Variants in IL1RAPL2 observed in about 807,000 individuals in gnomAD.
IL1RAPL2 encodes the protein X-linked interleukin-1 receptor accessory protein-like 2.
In IL1RAPL2, 3 loss-of-function variants were observed where a neutral mutation model predicts 44.1. The observed-to-expected ratio is 0.07, with a 90% CI of 0.03 to 0.18. The LOEUF (loss-of-function observed/expected upper bound fraction) is 0.18, where lower values mean the gene tolerates loss of function less well. Among genes scored for constraint, IL1RAPL2 ranks in the 10% least tolerant of loss-of-function variants. IL1RAPL2 has a pLI of 1.00. For synonymous variants in IL1RAPL2, 181 were observed against 178.8 expected (o/e 1.01, Z -0.10); for missense variants, 391 against 496.4 (o/e 0.79, Z 2.02).
At chrX:105,449,049 G>T (rs1331246799) in intron 5 of IL1RAPL2, among the ~76,000 whole-genome samples, 1 of 111,280 alleles carries the variant, frequency 9.0e-6, no homozygotes, top group East Asian at 2.8e-4. Flanking sequence ...ATTGGTCCCT[G>T]GTGTCTTATT....
At chrX:105,541,928 C>T (rs777520941) in intron 6 of IL1RAPL2, among the ~76,000 whole-genome samples, 18 of 111,348 alleles carry the variant, frequency 1.6e-4, no homozygotes, top group Non-Finnish European at 3.0e-4. Flanking sequence ...GGAAATTTAA[C>T]CTGCGTTTGC....
chrX:105,198,467 T>A (rs996800014), intron 3 of IL1RAPL2, among the ~76,000 whole-genome samples: 1 of 112,262 alleles, frequency 8.9e-6, no homozygotes, highest in African/African-American at 3.2e-5. Context: ...TTTACGTAGT[T>A]ATTGCAAAGA....
At chrX:105,558,429 ATGT>A (rs2147805773) in intron 6 of IL1RAPL2, among the ~76,000 whole-genome samples, 1 of 111,576 alleles carries the variant, frequency 9.0e-6, no homozygotes, top group East Asian at 2.8e-4. Context: ...TCATTCCCAA[ATGT>A]TGTTTATGTG....
At chrX:105,278,126 A>C (rs2034500552) in intron 5 of IL1RAPL2, among the ~76,000 whole-genome samples, 1 of 111,899 alleles carries the variant, frequency 8.9e-6, no homozygotes, top group Admixed American at 9.5e-5. Flanking sequence ...CTGTAGAGTC[A>C]GGGGCTGTGA....
At chrX:104,992,018 C>T (rs762945984) in intron 2 of IL1RAPL2, among the ~76,000 whole-genome samples, 1 of 111,349 alleles carries the variant, frequency 9.0e-6, no homozygotes, top group Admixed American at 9.6e-5. Context: ...GCAGGAAAAA[C>T]ATGTACTAAG....
At chrX:104,972,162 C>T (rs541871008) in intron 2 of IL1RAPL2, among the ~76,000 whole-genome samples, 2 of 111,739 alleles carry the variant, frequency 1.8e-5, no homozygotes, top group African/African-American at 3.3e-5. Context: ...CCAGATTAGG[C>T]AGTTGTTTTT....
intron 2 of IL1RAPL2, among the ~76,000 whole-genome samples, chrX:104,791,120 G>T (rs2051097): frequency 0.053 from 5,875 of 110,525 alleles, 416 homozygotes; most frequent in African/African-American, 0.19. Flanking sequence ...ATCAGGCTTT[G>T]GTATAGGAGA....
chrX:105,390,378 G>A (rs2035512134), intron 5 of IL1RAPL2, among the ~76,000 whole-genome samples: 1 of 111,641 alleles, frequency 9.0e-6, no homozygotes, highest in Non-Finnish European at 1.9e-5. Context: ...TAGCTAGTAA[G>A]AAATGTACCT....
chrX:105,607,635 CAAAAAAAAAAAAAAAA>C (rs11377516), intron 6 of IL1RAPL2, among the ~76,000 whole-genome samples: 7 of 15,726 alleles, frequency 4.5e-4, no homozygotes, highest in East Asian at 3.8e-3. Flanking sequence ...ATTCAGCAGA[CAAAAAAAAAAAAAAAA>C]AAAAAAAAAA....
rs1044322329 is a variant in IL1RAPL2, at chrX:105,428,986, G to A, written c.698-55327G>A. On this transcript the variant is annotated intron_variant, in intron 5 of 10. Coordinates refer to ENST00000372582, the MANE Select transcript of IL1RAPL2 (RefSeq NM_017416.2). ...GGAGACACGTTCTGCCCCAAAGACA[G>A]AAACTAAATAATATCCGGAAATATC... is the stretch of plus-strand genomic sequence containing the variant. Among the ~76,000 whole-genome samples, 7 of 111,414 alleles carry A rather than the reference G, an allele frequency of 6.3e-5. No individual in the cohort carries two copies. In the East Asian group the frequency reaches 1.1e-3, roughly 18 times the overall value.
At chrX:104,686,489 T>C (rs772412963) in intron 2 of IL1RAPL2, among the ~76,000 whole-genome samples, 3 of 111,766 alleles carry the variant, frequency 2.7e-5, no homozygotes, top group Non-Finnish European at 3.8e-5. Context: ...GACTAGAAAT[T>C]TGGCTGAATA....
At chrX:105,476,608 T>C (rs2147772850) in intron 5 of IL1RAPL2, among the ~76,000 whole-genome samples, 1 of 111,965 alleles carries the variant, frequency 8.9e-6, no homozygotes, top group South Asian at 3.8e-4. Context: ...CTGATCTGTT[T>C]CCTCCTGTTA....
chrX:105,405,914 G>C lies in IL1RAPL2; in HGVS notation c.698-78399G>C, dbSNP rs183208189. ...GTGGACTGATTGATGATATTGCTTT[G>C]ATCAGGGATGATGATGTTTTGTTTG... On this transcript the variant is annotated intron_variant, in intron 5 of 10. Coordinates refer to ENST00000372582, the MANE Select transcript of IL1RAPL2 (RefSeq NM_017416.2). 25 of 1,165,079 alleles carry C rather than the reference G, an allele frequency of 2.1e-5. No individual in the cohort carries two copies. The Admixed American group carries it at 5.0e-4, about 23-fold the overall frequency.
At chrX:105,219,151 C>A (rs782436611) in intron 3 of IL1RAPL2, 1 of 1,211,070 alleles carries the variant, frequency 8.3e-7, no homozygotes, top group Non-Finnish European at 1.1e-6. Context: ...TCTGTGGGGC[C>A]CCCCATCAGA....
intron 2 of IL1RAPL2, among the ~76,000 whole-genome samples, chrX:104,908,145 C>G (rs2147680263): frequency 9.0e-6 from 1 of 110,775 alleles, no homozygotes; most frequent in Non-Finnish European, 1.9e-5. Flanking sequence ...TTTATGTTTT[C>G]CATTTGCTTG....
chrX:105,213,077 G>A (rs1224748204), intron 3 of IL1RAPL2, among the ~76,000 whole-genome samples: 1 of 110,571 alleles, frequency 9.0e-6, no homozygotes, highest in Non-Finnish European at 1.9e-5. Context: ...TCTTCTCCAA[G>A]TGATTGCCAC....
At chrX:104,988,219 G>A (rs747784253) in intron 2 of IL1RAPL2, among the ~76,000 whole-genome samples, 14 of 111,967 alleles carry the variant, frequency 1.3e-4, no homozygotes, top group Non-Finnish European at 2.4e-4. Context: ...GCATTTTCTT[G>A]TCATCTTTCA....
At chrX:104,912,868 C>T (rs1293105416) in intron 2 of IL1RAPL2, among the ~76,000 whole-genome samples, 1 of 112,029 alleles carries the variant, frequency 8.9e-6, no homozygotes, top group Non-Finnish European at 1.9e-5. Context: ...GTGTAAGTAC[C>T]ATGAGACTGT....
At chrX:105,446,527 T>G (rs2035955728) in intron 5 of IL1RAPL2, among the ~76,000 whole-genome samples, 1 of 111,121 alleles carries the variant, frequency 9.0e-6, no homozygotes, top group Admixed American at 9.7e-5. Flanking sequence ...TGGTATAATT[T>G]AATTTCTTGA....
Sources: gnomAD v4.1 joint callset for allele counts (sites outside exome capture counted in the v4.1 genomes callset) on GRCh38, gnomAD v4.1.1 for gene constraint, MANE v1.5 for transcripts, NCBI Gene and HGNC (gene_info 2026-07-23, HGNC 2026-07-21) for gene names.